The following NAA30 variants were observed in gnomAD, a reference collection of about 807,000 sequenced individuals.
NAA30 encodes the protein N-alpha-acetyltransferase 30.
In NAA30, 5 loss-of-function variants were observed where a neutral mutation model predicts 31.4. That is an observed-to-expected ratio of 0.16 (90% CI 0.08 to 0.33). The LOEUF (loss-of-function observed/expected upper bound fraction) is 0.33, where lower values mean the gene tolerates loss of function less well. Ranked by LOEUF, NAA30 falls within the 10% of genes least tolerant of loss-of-function variation. The probability of loss-of-function intolerance (pLI) is 1.00; values close to 1 mark genes in which losing one functional copy is unlikely to be tolerated. For synonymous variants in NAA30, 222 were observed against 207.1 expected (o/e 1.07, Z -0.62); for missense variants, 428 against 490.8 (o/e 0.87, Z 1.21).
Position 57,391,612 on chromosome 14 carries a change from G to C in NAA30, c.655G>C (p.Glu219Gln). 1 of 1,614,260 alleles carries C rather than the reference G, an allele frequency of 6.2e-7. No homozygotes were observed. Among genetic ancestry groups the C allele is most frequent in the Non-Finnish European group, 8.5e-7 (1 of 1,180,044 alleles). The change falls in exon 2 of 5, where the codon GAA becomes CAA. Residue 219 changes from glutamate (E) to glutamine (Q), a missense_variant. By Grantham distance (29) the Glu-to-Gln change is conservative. Around this residue, in one of 2 missense-constraint regions of NAA30, gnomAD observed 349 missense variants for 310.4 expected, o/e 1.12. Transcript: ENST00000556492. This position sits in a 1 kb window ranked among gnomAD's most constrained non-coding sequence, Gnocchi z 4.1. ...TCGGACGATACGATATGTCCGATATGAATCCGAGCTACAAATGCCCGATAT... is the reference window on the plus strand; with the variant it reads ...TCGGACGATACGATATGTCCGATATCAATCCGAGCTACAAATGCCCGATAT... ...EDRTIRYVRY[E>Q]SELQMPDIMR... is the part of the protein sequence containing the mutation.
chr14:57,414,139 TGTG>T lies in NAA30; in HGVS notation c.*4628_*4630del, dbSNP rs2066536704. The T allele has an allele frequency of 6.6e-6, 1 of 152,236 alleles. No homozygotes were observed. Among genetic ancestry groups the T allele is most frequent in the South Asian group, 2.1e-4 (1 of 4,826 alleles). The allele number at this position is 152,236 out of a possible 1,614,324, so 9.4% of individuals were successfully genotyped here. A position where few individuals can be genotyped will look rare whatever the true frequency, so the allele number is the denominator to read the frequency against. Reference sequence around the variant, plus strand: ...ATGGAAGGATCACAATTAGGCCAGATGTGGTGGCTCACGCCTATTATCCCAGCG... The same window carrying T: ...ATGGAAGGATCACAATTAGGCCAGATGTGGCTCACGCCTATTATCCCAGCG... On this transcript the variant is annotated 3_prime_UTR_variant, in exon 5 of 5. Transcript: ENST00000556492.
chr14:57,406,786 G>A lies in NAA30; in HGVS notation c.952-2593G>A, dbSNP rs565536639. On this transcript the variant is annotated intron_variant, in intron 4 of 4. Coordinates refer to ENST00000556492, the MANE Select transcript of NAA30 (RefSeq NM_001011713.3). ...TAACAATTGCAGGAATTACCCAAGA[G>A]AATTGTTAAAAACTAAAAACTTGTA... Among the ~76,000 whole-genome samples, 5 of 152,270 alleles carry A rather than the reference G, an allele frequency of 3.3e-5. No individual in the cohort carries two copies. In the South Asian group the frequency reaches 1.0e-3, roughly 32 times the overall value.
rs1370848846 is a variant in NAA30 at position 57,391,059 on chromosome 14, C to T, written c.102C>T (p.Ala34=). The T allele has an allele frequency of 1.3e-6, 2 of 1,520,082 alleles. No individual in the cohort carries two copies. Among genetic ancestry groups the T allele is most frequent in the Admixed American group, 4.5e-5 (2 of 44,278 alleles). 94.2% of individuals were successfully genotyped at this position (1,520,082 alleles called of 1,614,324 possible). A position where few individuals can be genotyped will look rare whatever the true frequency, so the allele number is the denominator to read the frequency against. ...GCTGTCCCTTCCCGGCGGGGGCCGC[C>T]CTCGCCTGCTGCAGCGAGGACGAGG... ...EPRCPFPAGA[A]LACCSEDEED... The change falls in exon 2 of 5, where the codon GCC becomes GCT. Residue 34 remains alanine, a synonymous_variant. Coordinates refer to ENST00000556492, the MANE Select transcript of NAA30 (RefSeq NM_001011713.3). This position sits in a 1 kb window ranked among gnomAD's most constrained non-coding sequence, Gnocchi z 4.1.
intron 2 of NAA30, among the ~76,000 whole-genome samples, chr14:57,396,381 T>G (rs2139759671): frequency 6.8e-6 from 1 of 147,776 alleles, no homozygotes; most frequent in African/African-American, 2.4e-5. Context: ...ATAATCATTT[T>G]TTTTTTGCAT....
intron 2 of NAA30, among the ~76,000 whole-genome samples, chr14:57,392,605 C>T (rs2066434378): frequency 6.6e-6 from 1 of 152,112 alleles, no homozygotes; most frequent in Non-Finnish European, 1.5e-5. Context: ...CTGTATGAAC[C>T]CTTTAACTTA....
intron 4 of NAA30, among the ~76,000 whole-genome samples, chr14:57,405,055 A>G (rs1470434644): frequency 1.3e-5 from 2 of 152,206 alleles, no homozygotes; most frequent in Admixed American, 6.5e-5. Context: ...ACAATCTGCT[A>G]TTCAAACCCA....
At chr14:57,404,060 G>A (rs1049198463) in intron 4 of NAA30, among the ~76,000 whole-genome samples, 7 of 152,078 alleles carry the variant, frequency 4.6e-5, no homozygotes, top group Non-Finnish European at 1.0e-4. Context: ...GGTGTCTCAC[G>A]CCTGTAATCC....
chr14:57,393,815 G>A (rs1360159392), intron 2 of NAA30, among the ~76,000 whole-genome samples: 3 of 151,990 alleles, frequency 2.0e-5, no homozygotes, highest in Non-Finnish European at 2.9e-5. Flanking sequence ...CCGTCGGAAG[G>A]GTAAAGCTAG....
Position 57,415,490 on chromosome 14 carries a change from A to G in NAA30, c.*5974A>G, listed in dbSNP as rs193126072. ...ATTTCCTGGTACTTAAATATTGTGT[A>G]GAGGGAAAGCTAGTTGTAATAATTT... On this transcript the variant is annotated 3_prime_UTR_variant, in exon 5 of 5. Transcript: ENST00000556492. The G allele has an allele frequency of 6.6e-6, 1 of 152,330 alleles. No individual in the cohort carries two copies. Among genetic ancestry groups the G allele is most frequent in the Admixed American group, 6.5e-5 (1 of 15,304 alleles). 9.4% of individuals were successfully genotyped at this position (152,330 alleles called of 1,614,324 possible). A position where few individuals can be genotyped will look rare whatever the true frequency, so the allele number is the denominator to read the frequency against.
At chr14:57,404,649 C>G (rs893043781) in intron 4 of NAA30, among the ~76,000 whole-genome samples, 1 of 152,068 alleles carries the variant, frequency 6.6e-6, no homozygotes, top group Non-Finnish European at 1.5e-5. Context: ...AGAAAGAGTA[C>G]CACGTTGGAT....
intron 1 of NAA30, 27 bp downstream of exon 1, chr14:57,390,732 G>T: frequency 2.3e-6 from 1 of 425,572 alleles, no homozygotes; most frequent in Non-Finnish European, 4.1e-6. Flanking sequence ...GGCCGCGAGT[G>T]ACAGGGCTGG....
Position 57,411,538 on chromosome 14 carries a change from A to T in NAA30, c.*2022A>T, listed in dbSNP as rs1243913783. 2 of 152,182 alleles carry T rather than the reference A, an allele frequency of 1.3e-5. No individual in the cohort carries two copies. The highest frequency in any genetic ancestry group is 2.4e-5 in the African/African-American group (1 of 41,466). The allele number at this position is 152,182 out of a possible 1,614,324, so 9.4% of individuals were successfully genotyped here. Reference sequence around the variant, plus strand: ...GGGATGGTTGTAAAGTAGATAGATCATTGGTTCAACCATTTTAGTGTTTTT... The same window carrying T: ...GGGATGGTTGTAAAGTAGATAGATCTTTGGTTCAACCATTTTAGTGTTTTT... On this transcript the variant is annotated 3_prime_UTR_variant, in exon 5 of 5. Coordinates refer to ENST00000556492, the MANE Select transcript of NAA30 (RefSeq NM_001011713.3).
chr14:57,409,187 G>A (rs2066512395), intron 4 of NAA30, among the ~76,000 whole-genome samples, 192 bp from the exon 5 acceptor site: 1 of 152,090 alleles, frequency 6.6e-6, no homozygotes, highest in Non-Finnish European at 1.5e-5. Context: ...ATCTGCAGTG[G>A]TCCTCCAAGC....
Position 57,415,650 on chromosome 14 carries a change from A to G in NAA30, c.*6134A>G, listed in dbSNP as rs1452095184. 1 of 152,154 alleles carries G rather than the reference A, an allele frequency of 6.6e-6. No individual in the cohort carries two copies. 9.4% of individuals were successfully genotyped at this position (152,154 alleles called of 1,614,324 possible). On this transcript the variant is annotated 3_prime_UTR_variant, in exon 5 of 5. Coordinates refer to ENST00000556492, the MANE Select transcript of NAA30 (RefSeq NM_001011713.3). The stretch of plus-strand genomic sequence containing the variant: ...GTTTAAGATATAAAGTAATTGCTAA[A>G]ATTTGTGAACTACTCAGAGGACTCA...
intron 2 of NAA30, among the ~76,000 whole-genome samples, chr14:57,395,865 G>A (rs2066448239): frequency 6.6e-6 from 1 of 152,026 alleles, no homozygotes; most frequent in African/African-American, 2.4e-5. Flanking sequence ...CTTATAAACT[G>A]TGCTTTTTCT....
In NAA30 at chr14:57,414,207, C is replaced by CAGCAT. The variant is rs905607080; in HGVS notation, c.*4696_*4700dup. The CAGCAT allele has an allele frequency of 6.6e-6, 1 of 152,222 alleles. No homozygotes were observed. The highest frequency in any genetic ancestry group is 2.4e-5 in the African/African-American group (1 of 41,460). The allele number at this position is 152,222 out of a possible 1,614,324, so 9.4% of individuals were successfully genotyped here. On this transcript the variant is annotated 3_prime_UTR_variant, in exon 5 of 5. Coordinates refer to ENST00000556492, the MANE Select transcript of NAA30 (RefSeq NM_001011713.3). ...GATGGTAGTTTGCAACCAGCCAGGA[C>CAGCAT]AGCATAGCAAGACTGTTTCTGAAAA...
intron 2 of NAA30, among the ~76,000 whole-genome samples, chr14:57,395,903 C>T (rs1208012670): frequency 6.6e-6 from 1 of 151,950 alleles, no homozygotes; most frequent in East Asian, 1.9e-4. Flanking sequence ...TTTTCCTGAT[C>T]GAAATCTACC....
chr14:57,403,355 C>T (rs2066485323), intron 4 of NAA30, among the ~76,000 whole-genome samples: 1 of 151,338 alleles, frequency 6.6e-6, no homozygotes, highest in African/African-American at 2.4e-5. Context: ...TTATATTGTT[C>T]TTTGTTGTTA....
At chr14:57,397,521 G>C (rs1255472891) in intron 3 of NAA30, among the ~76,000 whole-genome samples, 1 of 152,220 alleles carries the variant, frequency 6.6e-6, no homozygotes, top group Non-Finnish European at 1.5e-5. Context: ...TGTCTTGTCA[G>C]AGGTGGGGCT....
Sources: gnomAD v4.1 joint callset for allele counts (sites outside exome capture counted in the v4.1 genomes callset) on GRCh38, gnomAD v4.1.1 for gene constraint, gnomAD v4.1.1 regional missense constraint, Gnocchi (gnomAD v3.1) non-coding constraint, MANE v1.5 for transcripts, NCBI Gene and HGNC (gene_info 2026-07-23, HGNC 2026-07-21) for gene names.